The following GADL1 variants were observed in gnomAD, a reference collection of about 807,000 sequenced individuals.
GADL1 encodes GAD like acidic amino acid decarboxylase 1.
Under a neutral mutation model 69.5 loss-of-function variants are expected in GADL1, and 71 were observed. The ratio of observed to expected loss-of-function variants is 1.02; its 90% confidence interval spans 0.84 to 1.25. The LOEUF is 1.25. Ranked by LOEUF, GADL1 falls within the 50% of genes most tolerant of loss-of-function variation. The probability of loss-of-function intolerance (pLI) is 0.00; values close to 1 mark genes in which losing one functional copy is unlikely to be tolerated. For missense variants in GADL1, 737 were observed against 631.8 expected, an observed-to-expected ratio of 1.17 and a Z score of -1.79; for synonymous variants, 254 against 214.4, an observed-to-expected ratio of 1.18 and a Z score of -1.62.
chr3:30,820,876 T>C (rs1343339141), intron 11 of GADL1, among the ~76,000 whole-genome samples: 1 of 151,930 alleles, frequency 6.6e-6, no homozygotes, highest in Non-Finnish European at 1.5e-5. Context: ...TGCACATGTA[T>C]GTTTATTGTG....
chr3:30,756,824 C>T (rs1029825513), intron 14 of GADL1, among the ~76,000 whole-genome samples: 8 of 152,250 alleles, frequency 5.3e-5, no homozygotes, highest in Admixed American at 5.2e-4. Context: ...CTTACACTTG[C>T]CAAGACCAGT....
chr3:30,788,185 GAT>G lies in GADL1; in HGVS notation c.1251-1781_1251-1780del, dbSNP rs1307256390. Among the ~76,000 whole-genome samples, 6 of 152,196 alleles carry G rather than the reference GAT, an allele frequency of 3.9e-5. No individual in the cohort carries two copies. In the East Asian group the frequency reaches 1.2e-3, roughly 29 times the overall value. ...TAAAAAGCAATTCCATTGCTCAACA[GAT>G]ATCAGAAAAGTTATTCAAAATCAGT... On this transcript the variant is annotated intron_variant, in intron 12 of 14. Coordinates refer to ENST00000282538, the MANE Select transcript of GADL1 (RefSeq NM_207359.3).
intron 11 of GADL1, 68 bp from the exon 12 acceptor site, chr3:30,801,156 A>G (rs1472338499): frequency 8.7e-7 from 1 of 1,151,428 alleles, no homozygotes; most frequent in Non-Finnish European, 1.3e-6. Context: ...AAGCAAACAC[A>G]TGTACACACA....
At chr3:30,862,087 C>G (rs1041063970) in intron 1 of GADL1, among the ~76,000 whole-genome samples, 1 of 151,854 alleles carries the variant, frequency 6.6e-6, no homozygotes, top group Non-Finnish European at 1.5e-5. Context: ...GGAAAGGTAC[C>G]ATTCACATAC....
chr3:30,732,508 T>A (rs1416918893), intron 14 of GADL1, among the ~76,000 whole-genome samples: 1 of 152,158 alleles, frequency 6.6e-6, no homozygotes, highest in South Asian at 2.1e-4. Context: ...AGTGATTTAG[T>A]CATTTAAATA....
chr3:30,801,588 T>C (rs1697166591), intron 11 of GADL1, among the ~76,000 whole-genome samples: 1 of 152,148 alleles, frequency 6.6e-6, no homozygotes, highest in African/African-American at 2.4e-5. Flanking sequence ...ATGGAAGAGG[T>C]AAACAAGAGC....
At chr3:30,769,781 C>A (rs767821293) in intron 14 of GADL1, among the ~76,000 whole-genome samples, 20 of 152,156 alleles carry the variant, frequency 1.3e-4, no homozygotes, top group Admixed American at 4.6e-4. Context: ...AGTATGAGAC[C>A]GTTATCTTCT....
At chr3:30,849,384 G>T (rs1263089199) in intron 6 of GADL1, among the ~76,000 whole-genome samples, 1 of 152,142 alleles carries the variant, frequency 6.6e-6, no homozygotes. Flanking sequence ...GAGGCACAAA[G>T]AAATTAACTC....
intron 11 of GADL1, among the ~76,000 whole-genome samples, chr3:30,809,580 T>C (rs577835793): frequency 6.6e-6 from 1 of 152,322 alleles, no homozygotes; most frequent in South Asian, 2.1e-4. Context: ...TTCCAATCAC[T>C]GGTATCACCT....
intron 1 of GADL1, among the ~76,000 whole-genome samples, chr3:30,887,965 A>G (rs1454322319): frequency 6.6e-6 from 1 of 152,228 alleles, no homozygotes; most frequent in African/African-American, 2.4e-5. Flanking sequence ...AGGCTGCTCA[A>G]GTCCCTTACG....
rs564854742 is a variant in GADL1 at position 30,735,489 on chromosome 3, T to C, written c.1393-7074A>G. 1.5e-3 allele frequency among the ~76,000 whole-genome samples: 223 copies of C among 152,252 alleles called. 2 individuals carry two copies. Among genetic ancestry groups the C allele is most frequent in the African/African-American group, 5.1e-3 (212 of 41,564 alleles). ...AAGGGAATAAACTACCAACACAACA[T>C]AGAAGAATCTCCAATAGATTATGCT... On this transcript the variant is annotated intron_variant, in intron 14 of 14. Coordinates refer to ENST00000282538, the MANE Select transcript of GADL1 (RefSeq NM_207359.3).
At chr3:30,764,718 A>T (rs996567100) in intron 14 of GADL1, among the ~76,000 whole-genome samples, 1 of 152,220 alleles carries the variant, frequency 6.6e-6, no homozygotes, top group African/African-American at 2.4e-5. Flanking sequence ...GATAGACATG[A>T]TTAGTACCAA....
chr3:30,861,950 T>A (rs1382752689), intron 1 of GADL1, among the ~76,000 whole-genome samples, 185 bp from the exon 2 acceptor site: 1 of 151,824 alleles, frequency 6.6e-6, no homozygotes, highest in Admixed American at 6.6e-5. Context: ...TAAGGAAAAT[T>A]TTACAAAGAA....
chr3:30,871,421 C>G (rs1271786195), intron 1 of GADL1, among the ~76,000 whole-genome samples: 2 of 151,808 alleles, frequency 1.3e-5, no homozygotes, highest in East Asian at 3.9e-4. Flanking sequence ...TTTATACTCT[C>G]TCCTACAATA....
chr3:30,785,438 G>C (rs897738108), intron 13 of GADL1, among the ~76,000 whole-genome samples: 4 of 145,402 alleles, frequency 2.8e-5, no homozygotes, highest in African/African-American at 1.0e-4. Flanking sequence ...AGGCTGGAGT[G>C]CAATGGCGCG....
chr3:30,838,704 A>AT (rs1288135396), intron 9 of GADL1, among the ~76,000 whole-genome samples: 1 of 152,142 alleles, frequency 6.6e-6, no homozygotes, highest in African/African-American at 2.4e-5. Flanking sequence ...CTAACCTAAA[A>AT]TGGGTGCCTT....
At chr3:30,746,322 C>T (rs1695702559) in intron 14 of GADL1, among the ~76,000 whole-genome samples, 1 of 152,172 alleles carries the variant, frequency 6.6e-6, no homozygotes, top group Non-Finnish European at 1.5e-5. Flanking sequence ...TAAAATTACA[C>T]ACTTTAAGGT....
intron 1 of GADL1, among the ~76,000 whole-genome samples, chr3:30,867,384 A>C (rs1261192608): frequency 6.7e-6 from 1 of 149,656 alleles, no homozygotes; most frequent in Non-Finnish European, 1.5e-5. Context: ...AATATGCATC[A>C]ATCTCCGAGA....
intron 14 of GADL1, among the ~76,000 whole-genome samples, chr3:30,754,632 C>CAAAA (rs11324385): frequency 2.0e-5 from 3 of 149,572 alleles, no homozygotes; most frequent in African/African-American, 7.3e-5. Flanking sequence ...GCCAAGAATA[C>CAAAA]AAAAAAAAAA....
Sources: allele counts gnomAD v4.1 joint callset (sites outside exome capture counted in the v4.1 genomes callset), GRCh38; gene constraint gnomAD v4.1.1; transcripts MANE v1.5; gene names NCBI Gene and HGNC (gene_info 2026-07-23, HGNC 2026-07-21).